RNF32: variants seen among roughly 807,000 people sequenced by gnomAD.
RNF32 encodes the protein ring finger protein 32.
A neutral mutation model predicts 41.0 loss-of-function variants in RNF32; 36 were observed. That is an observed-to-expected ratio of 0.88 (90% CI 0.67 to 1.16). The LOEUF is 1.16. Among genes scored for constraint, RNF32 ranks in the 50% most tolerant of loss-of-function variants. The pLI is 0.00. For missense variants in RNF32, 413 were observed against 436.7 expected (o/e 0.95, Z 0.48); for synonymous variants, 154 against 160.9 (o/e 0.96, Z 0.32).
At chr7:156,659,041 T>A in intron 7 of RNF32, 4 of 1,410,980 alleles carry the variant, frequency 2.8e-6, no homozygotes, top group Non-Finnish European at 3.7e-6. Flanking sequence ...AGAGCTAACT[T>A]CCATGTCTAC....
intron 7 of RNF32, chr7:156,659,641 G>T: frequency 2.2e-6 from 2 of 926,880 alleles, no homozygotes; most frequent in Non-Finnish European, 2.6e-6. Context: ...TATTTTTCAT[G>T]TGCACACATC....
intron 7 of RNF32, among the ~76,000 whole-genome samples, chr7:156,671,495 C>G (rs1283806878): frequency 6.6e-6 from 1 of 152,250 alleles, no homozygotes; most frequent in African/African-American, 2.4e-5. Flanking sequence ...CACATATTTT[C>G]TTTCAAAGTA....
intron 1 of RNF32, among the ~76,000 whole-genome samples, chr7:156,641,375 A>T (rs1481087655): frequency 6.6e-6 from 1 of 152,126 alleles, no homozygotes; most frequent in Non-Finnish European, 1.5e-5. Context: ...CTGCCTCTTG[A>T]GCGTTTAATA....
intron 7 of RNF32, chr7:156,659,139 G>A (rs759216336): frequency 4.1e-4 from 548 of 1,334,118 alleles, no homozygotes; most frequent in Non-Finnish European, 4.8e-4. Context: ...ATATGAAAAG[G>A]ACAGTCCTAC....
chr7:156,642,113 AT>A (rs1471759779), intron 1 of RNF32, among the ~76,000 whole-genome samples: 1 of 152,182 alleles, frequency 6.6e-6, no homozygotes, highest in Non-Finnish European at 1.5e-5. Context: ...ATTTCTTTCT[AT>A]TTTTAGAGTT....
At chr7:156,653,669 T>C (rs1799110226) in intron 3 of RNF32, among the ~76,000 whole-genome samples, 1 of 152,272 alleles carries the variant, frequency 6.6e-6, no homozygotes, top group African/African-American at 2.4e-5. Context: ...CTTCGCTTCC[T>C]GCATTTTGCC....
At chr7:156,659,872 G>A (rs1326601723) in intron 7 of RNF32, 8 of 982,718 alleles carry the variant, frequency 8.1e-6, no homozygotes, top group Non-Finnish European at 9.7e-6. Context: ...AAAAGGAAAC[G>A]AAAAATAACA....
intron 3 of RNF32, chr7:156,646,563 G>A: frequency 8.1e-7 from 1 of 1,235,988 alleles, no homozygotes; most frequent in Non-Finnish European, 1.1e-6. Context: ...GGTTCCAGGT[G>A]AATAAGAATT....
rs1457354040 is a variant in RNF32, at chr7:156,658,255, G to A, written c.575+3G>A. On this transcript the variant is annotated splice_donor_region_variant and intron_variant, in intron 6 of 8. Coordinates refer to ENST00000317955, the MANE Select transcript of RNF32 (RefSeq NM_030936.4). The stretch of plus-strand genomic sequence containing the variant: ...TTCAGAATCAAGTGTGTGACCAGGT[G>A]AGGACGCCAGGCCCGTTTGGCGCTA... 1 of 1,613,708 alleles carries A rather than the reference G, an allele frequency of 6.2e-7. No individual in the cohort carries two copies. The highest frequency in any genetic ancestry group is 2.2e-5 in the East Asian group (1 of 44,884).
chr7:156,674,499 C>T (rs1045921108), intron 7 of RNF32, among the ~76,000 whole-genome samples: 8 of 152,188 alleles, frequency 5.3e-5, no homozygotes, highest in African/African-American at 1.4e-4. Context: ...AAAAAGGAGC[C>T]GCTGGTGTGG....
chr7:156,657,465 T>G (rs752293163), intron 4 of RNF32, 76 bp from the exon 5 acceptor site: 8 of 1,377,434 alleles, frequency 5.8e-6, no homozygotes, highest in Non-Finnish European at 8.3e-6. Context: ...CTTCTAAGCA[T>G]TCAGGATTTT....
chr7:156,658,480 AGG>A lies in RNF32; in HGVS notation c.595_596del (p.Gly199MetfsTer4), dbSNP rs1186640699. Reference sequence around the variant, plus strand: ...GTTTTAGAATCCAAGCCTACTGGAGAGGATGTGTTGTTAGAAAGTGGTACAGA... The same window carrying A: ...GTTTTAGAATCCAAGCCTACTGGAGAATGTGTTGTTAGAAAGTGGTACAGA... The part of the protein sequence containing the change: ...CVTRIQAYWR[G>X]CVVRKWYRNL... On this transcript the variant is annotated frameshift_variant, in exon 7 of 9. Coordinates refer to ENST00000317955, the MANE Select transcript of RNF32 (RefSeq NM_030936.4). LOFTEE classifies it high-confidence loss of function. The A allele has an allele frequency of 6.2e-7, 1 of 1,612,916 alleles. No homozygotes were observed. The highest frequency in any genetic ancestry group is 8.5e-7 in the Non-Finnish European group (1 of 1,178,894).
intron 7 of RNF32, among the ~76,000 whole-genome samples, chr7:156,668,280 C>T (rs1273747323): frequency 6.6e-6 from 1 of 152,176 alleles, no homozygotes; most frequent in Non-Finnish European, 1.5e-5. Context: ...ACCTGGGACA[C>T]ATGGATCCCA....
At chr7:156,666,028 T>A (rs948761119) in intron 7 of RNF32, among the ~76,000 whole-genome samples, 2 of 152,250 alleles carry the variant, frequency 1.3e-5, no homozygotes, top group African/African-American at 2.4e-5. Context: ...AAAACTTGTT[T>A]GCTATACTTG....
rs893729292 is a variant in RNF32 at position 156,644,889 on chromosome 7, G to A, written c.274+132G>A. On this transcript the variant is annotated intron_variant, in intron 3 of 8. Coordinates refer to ENST00000317955, the MANE Select transcript of RNF32 (RefSeq NM_030936.4). ...ACAGAGAGGTGTGTATGTATTGAAG[G>A]TATGTATGTATTGAAGTTTAAAAAT... 17 of 882,854 alleles carry A rather than the reference G, an allele frequency of 1.9e-5. No homozygotes were observed. In the African/African-American group the frequency reaches 2.1e-4, roughly 11 times the overall value. The allele number at this position is 882,854 out of a possible 1,614,324, so 54.7% of individuals were successfully genotyped here. A position where few individuals can be genotyped will look rare whatever the true frequency, so the allele number is the denominator to read the frequency against.
In RNF32 at chr7:156,656,723, A is replaced by C. The variant is rs1214721736; in HGVS notation, c.418-818A>C. ...GGAGTGCCCCAGACTGTGGTCACCC[A>C]AGTCAGATTCTTGACAAAAAGGGAA... On this transcript the variant is annotated intron_variant, in intron 4 of 8. Coordinates refer to ENST00000317955, the MANE Select transcript of RNF32 (RefSeq NM_030936.4). Among the ~76,000 whole-genome samples the C allele has an allele frequency of 2.0e-5, 3 of 152,212 alleles. 1 individual carries two copies. The highest frequency in any genetic ancestry group is 7.2e-5 in the African/African-American group (3 of 41,454).
At chr7:156,657,864 C>A (rs192676222) in intron 5 of RNF32, among the ~76,000 whole-genome samples, 72 of 152,314 alleles carry the variant, frequency 4.7e-4, no homozygotes, top group African/African-American at 1.6e-3. Context: ...CCCATACACA[C>A]GCGTGACTCA....
chr7:156,648,738 T>C (rs1165453446), intron 3 of RNF32, among the ~76,000 whole-genome samples: 1 of 152,240 alleles, frequency 6.6e-6, no homozygotes, highest in Non-Finnish European at 1.5e-5. Flanking sequence ...ATATTCTACA[T>C]AGTAATCTCT....
At chr7:156,645,556 G>A (rs1797875004) in intron 3 of RNF32, among the ~76,000 whole-genome samples, 1 of 152,174 alleles carries the variant, frequency 6.6e-6, no homozygotes, top group Non-Finnish European at 1.5e-5. Flanking sequence ...AGCTGCAAGT[G>A]CAATCTGTGA....
Sources: gnomAD v4.1 joint callset for allele counts (sites outside exome capture counted in the v4.1 genomes callset) on GRCh38, gnomAD v4.1.1 for gene constraint, MANE v1.5 for transcripts, NCBI Gene and HGNC (gene_info 2026-07-23, HGNC 2026-07-21) for gene names.